Variants in TARS1 observed in about 807,000 individuals in gnomAD.
TARS1 encodes the protein threonine--tRNA ligase 1, cytoplasmic.
Under a neutral mutation model 97.7 loss-of-function variants are expected in TARS1, and 57 were observed. The ratio of observed to expected loss-of-function variants is 0.58; its 90% CI spans 0.47 to 0.73. The LOEUF is 0.73. Ranked by LOEUF, TARS1 falls within the 30% of genes least tolerant of loss-of-function variation. The probability of loss-of-function intolerance (pLI) is 0.00; values close to 1 mark genes in which losing one functional copy is unlikely to be tolerated. For missense variants in TARS1, 806 were observed against 888.3 expected, an observed-to-expected ratio of 0.91 and a Z score of 1.18; for synonymous variants, 312 against 293.7, an observed-to-expected ratio of 1.06 and a Z score of -0.64.
intron 17 of TARS1, among the ~76,000 whole-genome samples, chr5:33,464,483 A>G (rs1742441090): frequency 6.6e-6 from 1 of 152,248 alleles, no homozygotes; most frequent in South Asian, 2.1e-4. Flanking sequence ...ACTTTAAAGC[A>G]TTGTTCTGCC....
At chr5:33,452,664 A>G (rs1741801679) in intron 3 of TARS1, among the ~76,000 whole-genome samples, 1 of 152,152 alleles carries the variant, frequency 6.6e-6, no homozygotes, top group African/African-American at 2.4e-5. Flanking sequence ...TATAAATATT[A>G]TCATAGGCAT....
intron 1 of TARS1, among the ~76,000 whole-genome samples, chr5:33,443,327 C>T (rs1354772163): frequency 1.1e-5 from 1 of 94,902 alleles, no homozygotes; most frequent in East Asian, 2.4e-4. Context: ...CTCCCTCTCT[C>T]TCTCTCTCTC....
At chr5:33,453,751 G>A (rs754017880) in intron 4 of TARS1, among the ~76,000 whole-genome samples, 4 of 149,886 alleles carry the variant, frequency 2.7e-5, no homozygotes, top group Non-Finnish European at 4.4e-5. Flanking sequence ...ATGGAGTCTT[G>A]CTTTGTCACT....
chr5:33,452,502 G>C (rs1457096185), intron 3 of TARS1: 1 of 1,258,908 alleles, frequency 7.9e-7, no homozygotes, highest in Non-Finnish European at 1.1e-6. Context: ...TCCCTCCTCA[G>C]AACTCCTGTA....
chr5:33,466,750 A>G, intron 17 of TARS1, 121 bp from the exon 18 acceptor site: 1 of 580,368 alleles, frequency 1.7e-6, no homozygotes. Context: ...CAGTTTTGCC[A>G]GCTTTAAATT....
chr5:33,443,756 A>C (rs1195343989), intron 1 of TARS1, among the ~76,000 whole-genome samples: 1 of 151,990 alleles, frequency 6.6e-6, no homozygotes, highest in South Asian at 2.1e-4. Flanking sequence ...CGGCCTCCCA[A>C]AGTGCTGGGA....
At chr5:33,458,432 A>G (rs1225931464) in intron 9 of TARS1, 134 bp from the exon 10 acceptor site, 2 of 617,282 alleles carry the variant, frequency 3.2e-6, no homozygotes, top group African/African-American at 3.8e-5. Flanking sequence ...GGTTTCTTTG[A>G]TTCAGGAGTG....
intron 13 of TARS1, 65 bp from the exon 14 acceptor site, chr5:33,461,602 C>G: frequency 6.8e-7 from 1 of 1,479,904 alleles, no homozygotes. Context: ...TTTTTAGTCT[C>G]AAATTAGGCT....
chr5:33,449,708 G>T lies in TARS1; in HGVS notation c.329+977G>T, dbSNP rs542600559. 5.1e-4 allele frequency among the ~76,000 whole-genome samples: 78 copies of T among 152,030 alleles called. 1 individual carries two copies. Among genetic ancestry groups the T allele is most frequent in the Non-Finnish European group, 7.6e-4 (52 of 67,978 alleles). On this transcript the variant is annotated intron_variant, in intron 3 of 18. Transcript: ENST00000265112. ...CTGACCTTGTGATCCGTCCGCCTCGGCCTCCCAAAGTGCTGGGATTACAGG... is the reference window on the plus strand; with the variant it reads ...CTGACCTTGTGATCCGTCCGCCTCGTCCTCCCAAAGTGCTGGGATTACAGG...
chr5:33,467,239 C>T (rs761205267), intron 18 of TARS1, among the ~76,000 whole-genome samples: 36 of 149,798 alleles, frequency 2.4e-4, no homozygotes, highest in Non-Finnish European at 7.4e-5. Flanking sequence ...AGAATGAAGA[C>T]GCATTGCTTT....
chr5:33,446,841 G>A (rs990901305), intron 2 of TARS1: 72 of 899,200 alleles, frequency 8.0e-5, no homozygotes, highest in Non-Finnish European at 9.9e-5. Context: ...TCAGATTATG[G>A]TTGTAGAATG....
At position 33,441,143 on chromosome 5, in the gene TARS1, G is replaced by T; in HGVS notation, c.57G>T (p.Pro19=). ...GGAAGATGGGAGGCGAGGAGAAGCCGGTGAGCAAACTTGGTGGGACCCAGA... is the reference window on the plus strand; with the variant it reads ...GGAAGATGGGAGGCGAGGAGAAGCCTGTGAGCAAACTTGGTGGGACCCAGA... ...PSGKMGGEEK[P]IGAGEEKQKE... Residue 19 remains proline, a splice_region_variant and synonymous_variant, in exon 1 of 19, where the codon CCG becomes CCT. Coordinates refer to ENST00000265112, the MANE Select transcript of TARS1 (RefSeq NM_152295.5). 1 of 1,614,186 alleles carries T rather than the reference G, an allele frequency of 6.2e-7. No homozygotes were observed. Among genetic ancestry groups the T allele is most frequent in the Non-Finnish European group, 8.5e-7 (1 of 1,180,030 alleles).
chr5:33,467,342 G>C (rs562572183), intron 18 of TARS1, among the ~76,000 whole-genome samples: 19 of 152,104 alleles, frequency 1.2e-4, no homozygotes, highest in African/African-American at 4.6e-4. Flanking sequence ...TTTATTATTT[G>C]GTTGTTACGT....
intron 3 of TARS1, chr5:33,452,515 T>C: frequency 2.8e-6 from 3 of 1,076,874 alleles, no homozygotes; most frequent in African/African-American, 1.6e-5. Context: ...CTCCTGTAGC[T>C]TTTACACTCT....
chr5:33,444,146 G>A lies in TARS1; in HGVS notation c.58-1178G>A, dbSNP rs532099045. ...GAAATTATTATGCTAACTAAAAGAA[G>A]CCTGTCACAAAAGACCACATAATGT... On this transcript the variant is annotated intron_variant, in intron 1 of 18. Coordinates refer to ENST00000265112, the MANE Select transcript of TARS1 (RefSeq NM_152295.5). Among the ~76,000 whole-genome samples the A allele has an allele frequency of 4.6e-5, 7 of 152,162 alleles. No homozygotes were observed. The East Asian group carries it at 1.3e-3, about 29-fold the overall frequency.
chr5:33,452,397 C>T (rs754745603), intron 3 of TARS1: 2 of 1,535,292 alleles, frequency 1.3e-6, no homozygotes, highest in Non-Finnish European at 8.7e-7. Flanking sequence ...GCATCTGTGG[C>T]CATTCCCTCA....
At chr5:33,459,655 A>G in intron 10 of TARS1, 40 bp from the exon 11 acceptor site, 1 of 1,608,168 alleles carries the variant, frequency 6.2e-7, no homozygotes, top group African/African-American at 1.3e-5. Flanking sequence ...AAGTATGAGC[A>G]TTTATTTGCC....
chr5:33,459,433 A>C (rs1742185780), intron 10 of TARS1, among the ~76,000 whole-genome samples: 1 of 152,164 alleles, frequency 6.6e-6, no homozygotes. Context: ...ACCACAATGC[A>C]CTCATCCCTG....
At position 33,457,114 on chromosome 5, in the gene TARS1, G is replaced by C. The variant is rs1001583783; in HGVS notation, c.838-143G>C. 5.7e-6 allele frequency: 5 copies of C among 874,220 alleles called. No individual in the cohort carries two copies. The African/African-American group carries it at 8.5e-5, about 15-fold the overall frequency. The allele number at this position is 874,220 out of a possible 1,614,324, so 54.2% of individuals were successfully genotyped here. On this transcript the variant is annotated intron_variant, in intron 8 of 18. Transcript: ENST00000265112. The stretch of plus-strand genomic sequence containing the variant: ...GCACCCACCTGCAGATTGAGGGAGG[G>C]GCATTTTTGAGGATAGAAAACAGCC...
Sources: gnomAD v4.1 joint callset for allele counts (sites outside exome capture counted in the v4.1 genomes callset) on GRCh38, gnomAD v4.1.1 for gene constraint, MANE v1.5 for transcripts, NCBI Gene and HGNC (gene_info 2026-07-23, HGNC 2026-07-21) for gene names.